The following ACSM1 variants were observed in gnomAD, a reference collection of about 807,000 sequenced individuals.
ACSM1 encodes acyl-CoA synthetase medium chain family member 1.
A neutral mutation model predicts 75.8 loss-of-function variants in ACSM1; 79 were observed. That is an observed-to-expected ratio of 1.04 (90% confidence interval 0.87 to 1.26). ACSM1 has a LOEUF of 1.26. Among genes scored for constraint, ACSM1 ranks in the 50% most tolerant of loss-of-function variants. ACSM1 has a pLI of 0.00. For synonymous variants in ACSM1, 279 were observed against 265.8 expected (o/e 1.05, Z -0.48); for missense variants, 676 against 720.1 (o/e 0.94, Z 0.70).
rs910925583 is a variant in ACSM1 at position 20,648,221 on chromosome 16, T to C, written c.993-7637A>G. ...AACTTTAAAAGTCTGAAAAGAAACATTTACCATCTATTCTCTCTGAAGGAG... is the reference window on the plus strand; with the variant it reads ...AACTTTAAAAGTCTGAAAAGAAACACTTACCATCTATTCTCTCTGAAGGAG... On this transcript the variant is annotated intron_variant, in intron 7 of 13. Transcript: ENST00000520010. This position sits in a 1 kb window ranked among gnomAD's most constrained non-coding sequence, Gnocchi z 4.2. Among the ~76,000 whole-genome samples the C allele has an allele frequency of 6.6e-6, 1 of 152,186 alleles. No homozygotes were observed. The highest frequency in any genetic ancestry group is 1.5e-5 in the Non-Finnish European group (1 of 68,030).
At chr16:20,644,846 A>T (rs572464734) in intron 7 of ACSM1, among the ~76,000 whole-genome samples, 1 of 152,388 alleles carries the variant, frequency 6.6e-6, no homozygotes, top group Non-Finnish European at 1.5e-5. Context: ...AACATGTATT[A>T]TCCTAACTTC....
intron 7 of ACSM1, among the ~76,000 whole-genome samples, chr16:20,658,574 C>G (rs531042411): frequency 6.6e-6 from 1 of 152,076 alleles, no homozygotes; most frequent in Non-Finnish European, 1.5e-5. Context: ...AGGTCTTCAG[C>G]CATGGGCAGT....
chr16:20,649,039 G>A (rs1247092723), intron 7 of ACSM1, among the ~76,000 whole-genome samples: 1 of 152,190 alleles, frequency 6.6e-6, no homozygotes, highest in Non-Finnish European at 1.5e-5. Context: ...AGGCTCCCAT[G>A]TATACATGTT....
At chr16:20,632,437 A>G (rs942033551) in intron 10 of ACSM1, among the ~76,000 whole-genome samples, 2 of 152,220 alleles carry the variant, frequency 1.3e-5, no homozygotes, top group South Asian at 4.1e-4. Flanking sequence ...GATTACCTAG[A>G]TAAAATGGAA....
At chr16:20,669,618 C>T (rs1226139479) in intron 6 of ACSM1, among the ~76,000 whole-genome samples, 3 of 152,086 alleles carry the variant, frequency 2.0e-5, no homozygotes, top group African/African-American at 7.2e-5. Flanking sequence ...AAGGATCGCC[C>T]AGTAATACAC....
rs1296450845 is a variant in ACSM1 at position 20,668,249 on chromosome 16, TAGTA to T, written c.912+1574_912+1577del. 2.6e-5 allele frequency among the ~76,000 whole-genome samples: 4 copies of T among 152,212 alleles called. No individual in the cohort carries two copies. In the East Asian group the frequency reaches 5.8e-4, roughly 22 times the overall value. ...AATTATTATGAATAATTCATAAAAATAGTAAGTGGGAAATAGTAATGCAAATGCT... is the reference window on the plus strand; with the variant it reads ...AATTATTATGAATAATTCATAAAAATAGTGGGAAATAGTAATGCAAATGCT... On this transcript the variant is annotated intron_variant, in intron 6 of 13. Coordinates refer to ENST00000520010, the MANE Select transcript of ACSM1 (RefSeq NM_001318890.3).
intron 1 of ACSM1, among the ~76,000 whole-genome samples, chr16:20,694,863 G>C (rs1451436905): frequency 6.6e-6 from 1 of 152,136 alleles, no homozygotes; most frequent in Non-Finnish European, 1.5e-5. Context: ...TATAAAAAGA[G>C]GAGATTAGGA....
chr16:20,623,463 G>A lies in ACSM1; in HGVS notation c.*23C>T. ...GCCAGGGATTTGCCTTAGGTGTGCAGTGCGTTCTGAGTTCACTGCCGATTA... is the reference window on the plus strand; with the variant it reads ...GCCAGGGATTTGCCTTAGGTGTGCAATGCGTTCTGAGTTCACTGCCGATTA... On this transcript the variant is annotated 3_prime_UTR_variant, in exon 14 of 14. Coordinates refer to ENST00000520010, the MANE Select transcript of ACSM1 (RefSeq NM_001318890.3). The A allele has an allele frequency of 2.1e-5, 34 of 1,611,168 alleles. No homozygotes were observed. The highest frequency in any genetic ancestry group is 2.8e-5 in the Non-Finnish European group (33 of 1,177,414).
intron 12 of ACSM1, 53 bp downstream of exon 12, chr16:20,625,370 C>T (rs1217354202): frequency 2.0e-5 from 31 of 1,566,870 alleles, no homozygotes; most frequent in Non-Finnish European, 2.5e-5. Flanking sequence ...TTCCCCTGCA[C>T]CTGCTTTCCT....
At chr16:20,631,007 A>G (rs1260097621) in intron 10 of ACSM1, among the ~76,000 whole-genome samples, 2 of 152,240 alleles carry the variant, frequency 1.3e-5, no homozygotes, top group Admixed American at 6.5e-5. Flanking sequence ...ATTAAAACTT[A>G]TAGATTGCAG....
In ACSM1 at chr16:20,627,156, A is replaced by C. The variant is rs764420974; in HGVS notation, c.1427+33T>G. The C allele has an allele frequency of 2.0e-6, 3 of 1,496,554 alleles. No homozygotes were observed. In the African/African-American group the frequency reaches 4.4e-5, roughly 22 times the overall value. 92.7% of individuals were successfully genotyped at this position (1,496,554 alleles called of 1,614,324 possible). A position where few individuals can be genotyped will look rare whatever the true frequency, so the allele number is the denominator to read the frequency against. On this transcript the variant is annotated intron_variant, in intron 11 of 13. Transcript: ENST00000520010. Reference sequence around the variant, plus strand: ...AAAATTCCGTGAGGCATGTGACGGCAACAACAGCCAGCCCAGCATCAGCCA... The same window carrying C: ...AAAATTCCGTGAGGCATGTGACGGCCACAACAGCCAGCCCAGCATCAGCCA...
chr16:20,697,459 T>G (rs1035359788), intron 1 of ACSM1, among the ~76,000 whole-genome samples, 177 bp downstream of exon 1: 4 of 151,886 alleles, frequency 2.6e-5, no homozygotes, highest in Admixed American at 1.3e-4. Context: ...AATATCACCA[T>G]TGTCATTTTG....
At chr16:20,633,541 T>C (rs538968788) in intron 10 of ACSM1, among the ~76,000 whole-genome samples, 109 of 152,190 alleles carry the variant, frequency 7.2e-4, no homozygotes, top group African/African-American at 2.6e-3. Context: ...GATAAGTAAA[T>C]GAAAAGACAT....
Position 20,648,222 on chromosome 16 carries a change from T to C in ACSM1, c.993-7638A>G, listed in dbSNP as rs1369025696. Among the ~76,000 whole-genome samples the C allele has an allele frequency of 6.6e-6, 1 of 152,142 alleles. No individual in the cohort carries two copies. Among genetic ancestry groups the C allele is most frequent in the African/African-American group, 2.4e-5 (1 of 41,436 alleles). On this transcript the variant is annotated intron_variant, in intron 7 of 13. Transcript: ENST00000520010. This position sits in a 1 kb window ranked among gnomAD's most constrained non-coding sequence, Gnocchi z 4.2. ...ACTTTAAAAGTCTGAAAAGAAACAT[T>C]TACCATCTATTCTCTCTGAAGGAGT...
chr16:20,650,166 A>C (rs1164174666), intron 7 of ACSM1, among the ~76,000 whole-genome samples: 5 of 152,176 alleles, frequency 3.3e-5, no homozygotes, highest in Non-Finnish European at 5.9e-5. Flanking sequence ...TTGTTGTTTC[A>C]GGATCCTTAT....
chr16:20,640,565 C>G lies in ACSM1; in HGVS notation c.1012G>C (p.Glu338Gln). Residue 338 changes from glutamate (E) to glutamine (Q), a missense_variant, in exon 8 of 14, where the codon GAG becomes CAG. Glu to Gln is a conservative substitution (Grantham distance 29). Coordinates refer to ENST00000520010, the MANE Select transcript of ACSM1 (RefSeq NM_001318890.3). The part of the protein sequence containing the change: ...DFTSIRFPAL[E>Q]HCYTGGEVVL... ...ACCTCCCCGCCAGTATAGCAGTGCTCCAGGGCAGGGAACCTGATGCTTAGA... is the reference window on the plus strand; with the variant it reads ...ACCTCCCCGCCAGTATAGCAGTGCTGCAGGGCAGGGAACCTGATGCTTAGA... The G allele has an allele frequency of 1.2e-6, 2 of 1,614,154 alleles. No homozygotes were observed. The highest frequency in any genetic ancestry group is 2.2e-5 in the South Asian group (2 of 91,076).
At chr16:20,626,157 A>AGGGGGATCAATGGAGGTC (rs759106093) in intron 11 of ACSM1, among the ~76,000 whole-genome samples, 103 of 152,094 alleles carry the variant, frequency 6.8e-4, no homozygotes, top group Non-Finnish European at 1.2e-3. Flanking sequence ...AGGCTGAAAC[A>AGGGGGATCAATGGAGGTC]GGGGGATCAA....
At chr16:20,659,811 T>G (rs138610512) in intron 7 of ACSM1, among the ~76,000 whole-genome samples, 2,814 of 152,274 alleles carry the variant, frequency 0.018, 33 homozygotes, top group Non-Finnish European at 0.03. Flanking sequence ...CTCTGCACAA[T>G]AAAACTTGGT....
At chr16:20,664,093 C>G (rs1238514942) in intron 6 of ACSM1, among the ~76,000 whole-genome samples, 3 of 151,966 alleles carry the variant, frequency 2.0e-5, no homozygotes, top group Non-Finnish European at 2.9e-5. Context: ...ACTAAGTTGA[C>G]AGGGGTGGGT....
Sources: gnomAD v4.1 joint callset for allele counts (sites outside exome capture counted in the v4.1 genomes callset) on GRCh38, gnomAD v4.1.1 for gene constraint, Gnocchi (gnomAD v3.1) non-coding constraint, MANE v1.5 for transcripts, NCBI Gene and HGNC (gene_info 2026-07-23, HGNC 2026-07-21) for gene names.